Variants in LRPPRC observed in about 807,000 individuals in gnomAD.
LRPPRC encodes the protein leucine rich pentatricopeptide repeat containing, also known as leucine-rich PPR motif-containing protein, mitochondrial.
Under a neutral mutation model 180.3 loss-of-function variants are expected in LRPPRC, and 120 were observed. That is an observed-to-expected ratio of 0.67 (90% CI 0.57 to 0.77). LRPPRC has a LOEUF of 0.77. Among genes scored for constraint, LRPPRC ranks in the 30% least tolerant of loss-of-function variants. The probability of loss-of-function intolerance (pLI) is 0.00; values close to 1 mark genes in which losing one functional copy is unlikely to be tolerated. For missense variants in LRPPRC, 2,012 were observed against 1,657.2 expected (o/e 1.21, Z -3.72); for synonymous variants, 723 against 600.0 (o/e 1.21, Z -3.00).
intron 11 of LRPPRC, among the ~76,000 whole-genome samples, chr2:43,972,699 A>T (rs1246899760): frequency 6.6e-6 from 1 of 152,210 alleles, no homozygotes; most frequent in East Asian, 1.9e-4. Context: ...TACTTGTTTC[A>T]CTATTTCCTT....
At position 43,991,687 on chromosome 2, in the gene LRPPRC, T is replaced by C. The variant is rs191269188; in HGVS notation, c.149+4112A>G. Among the ~76,000 whole-genome samples the C allele has an allele frequency of 3.2e-3, 482 of 152,206 alleles. 1 individual carries two copies. The highest frequency in any genetic ancestry group is 2.3e-3 in the Non-Finnish European group (155 of 68,014). On this transcript the variant is annotated intron_variant, in intron 1 of 37. Transcript: ENST00000260665. ...TTCCAGAAAGCATCTATTTGAAAAA[T>C]AGATGTACTGAGATGGGAAAATGAA... is the stretch of plus-strand genomic sequence containing the variant.
At chr2:43,902,726 A>AT (rs1408199674) in intron 31 of LRPPRC, 1 of 152,194 alleles carries the variant, frequency 6.6e-6, no homozygotes, top group Non-Finnish European at 1.5e-5. Flanking sequence ...AATATTTATA[A>AT]TAAGCTTGAT....
rs1384253845 is a variant in LRPPRC at position 43,899,582 on chromosome 2, T to G, written c.3593A>C (p.Glu1198Ala). The change falls in exon 33 of 38, where the codon GAA becomes GCA. Residue 1198 changes from glutamate (E) to alanine (A), a missense_variant. Glu to Ala is a moderately radical substitution (Grantham distance 107). Coordinates refer to ENST00000260665, the MANE Select transcript of LRPPRC (RefSeq NM_133259.4). ...TGAAGTAAGCATATTTTCAATGTTT[T>G]CTATTGCGGCATCTATGTTATTACT... The part of the protein sequence containing the change: ...IKNNNIDAAI[E>A]NIENMLTSEN... The G allele has an allele frequency of 3.1e-6, 5 of 1,611,018 alleles. No individual in the cohort carries two copies. The highest frequency in any genetic ancestry group is 4.2e-6 in the Non-Finnish European group (5 of 1,177,380).
intron 30 of LRPPRC, among the ~76,000 whole-genome samples, chr2:43,911,885 G>C (rs1304487786): frequency 6.6e-6 from 1 of 152,016 alleles, no homozygotes; most frequent in African/African-American, 2.4e-5. Context: ...CAAATAAGAT[G>C]TGTTCAGTAC....
In LRPPRC at chr2:43,917,990, C is replaced by T. The variant is rs574336721; in HGVS notation, c.3148+35G>A. On this transcript the variant is annotated intron_variant, in intron 29 of 37. Coordinates refer to ENST00000260665, the MANE Select transcript of LRPPRC (RefSeq NM_133259.4). ...CACTGCTATTAGAAAGAAGACCACC[C>T]CCCCACACACACCCCCATCCCCGTA... is the stretch of plus-strand genomic sequence containing the variant. 1.5e-5 allele frequency: 21 copies of T among 1,370,220 alleles called. No individual in the cohort carries two copies. In the East Asian group the frequency reaches 4.0e-4, roughly 26 times the overall value. The allele number at this position is 1,370,220 out of a possible 1,614,324, so 84.9% of individuals were successfully genotyped here.
chr2:43,894,703 C>G (rs1670618756), intron 35 of LRPPRC, 74 bp from the exon 36 acceptor site: 1 of 785,806 alleles, frequency 1.3e-6, no homozygotes, highest in Non-Finnish European at 2.3e-6. Flanking sequence ...CAAATCAACA[C>G]TATATTAAAA....
intron 14 of LRPPRC, among the ~76,000 whole-genome samples, chr2:43,951,770 A>G (rs1558998723): frequency 6.6e-6 from 1 of 152,230 alleles, no homozygotes; most frequent in Admixed American, 6.5e-5. Flanking sequence ...AACACATACC[A>G]TGTCCAGTCT....
chr2:43,981,080 C>G (rs1432004506), intron 2 of LRPPRC, among the ~76,000 whole-genome samples: 3 of 152,120 alleles, frequency 2.0e-5, no homozygotes, highest in African/African-American at 4.8e-5. Context: ...TCCTCTTAAA[C>G]TGCATGCAAA....
chr2:43,936,948 C>G (rs112648348), intron 23 of LRPPRC, among the ~76,000 whole-genome samples: 3 of 152,144 alleles, frequency 2.0e-5, no homozygotes, highest in Non-Finnish European at 4.4e-5. Flanking sequence ...CTTTCTATAA[C>G]TCTGCTTAAC....
chr2:43,907,313 T>C lies in LRPPRC; in HGVS notation c.3276-1533A>G, dbSNP rs7560923. Among the ~76,000 whole-genome samples the C allele has an allele frequency of 9.2e-3, 1,398 of 152,326 alleles. 20 individuals carry two copies. Among genetic ancestry groups the C allele is most frequent in the African/African-American group, 0.032 (1,319 of 41,574 alleles). Reference sequence around the variant, plus strand: ...TAATATATCCTACATATGTAGAAACTGACCAATTACAACCAAAACAGATTC... The same window carrying C: ...TAATATATCCTACATATGTAGAAACCGACCAATTACAACCAAAACAGATTC... On this transcript the variant is annotated intron_variant, in intron 30 of 37. Coordinates refer to ENST00000260665, the MANE Select transcript of LRPPRC (RefSeq NM_133259.4).
chr2:43,976,651 C>T lies in LRPPRC; in HGVS notation c.650+343G>A, dbSNP rs551778400. ...GTGCAACTGATTTTCTACACTACTT[C>T]CAGTTTTATAAATGAATACAGCTTA... On this transcript the variant is annotated intron_variant, in intron 5 of 37. Transcript: ENST00000260665. Among the ~76,000 whole-genome samples, 84 of 151,174 alleles carry T rather than the reference C, an allele frequency of 5.6e-4. 1 individual carries two copies. Among genetic ancestry groups the T allele is most frequent in the Non-Finnish European group, 9.3e-4 (63 of 67,838 alleles).
chr2:43,964,786 T>C (rs1673486071), intron 11 of LRPPRC, among the ~76,000 whole-genome samples: 1 of 152,176 alleles, frequency 6.6e-6, no homozygotes, highest in Non-Finnish European at 1.5e-5. Context: ...AATTACCTAA[T>C]ACTGGCCTAA....
At chr2:43,977,468 C>G (rs949973528) in intron 3 of LRPPRC, among the ~76,000 whole-genome samples, 192 bp from the exon 4 acceptor site, 2 of 152,158 alleles carry the variant, frequency 1.3e-5, no homozygotes, top group Non-Finnish European at 2.9e-5. Context: ...ACAGTAATTA[C>G]TGAGTTACTG....
chr2:43,929,285 T>C (rs796989693), intron 25 of LRPPRC, among the ~76,000 whole-genome samples: 10 of 152,292 alleles, frequency 6.6e-5, no homozygotes, highest in African/African-American at 2.4e-4. Flanking sequence ...ATAATTACAG[T>C]AATACAATAA....
At chr2:43,947,118 C>A in intron 20 of LRPPRC, 139 bp downstream of exon 20, 2 of 565,618 alleles carry the variant, frequency 3.5e-6, no homozygotes, top group Non-Finnish European at 3.1e-6. Flanking sequence ...AATTAGTTAA[C>A]CTTTCATTTA....
rs113463749 is a variant in LRPPRC at position 43,932,355 on chromosome 2, T to C, written c.2736+1835A>G. 4.3e-3 allele frequency among the ~76,000 whole-genome samples: 653 copies of C among 152,264 alleles called. 6 individuals carry two copies. Among genetic ancestry groups the C allele is most frequent in the African/African-American group, 0.014 (594 of 41,558 alleles). ...CACAGCAGCTCTGTAAATTCAACCA[T>C]AGTGAATCTACCCAATGATAAGACA... is the stretch of plus-strand genomic sequence containing the variant. On this transcript the variant is annotated intron_variant, in intron 25 of 37. Transcript: ENST00000260665.
Position 43,891,520 on chromosome 2 carries a change from A to T in LRPPRC, c.3986-1644T>A, listed in dbSNP as rs937105142. ...CATTATTGTTATATCTGTTACGGTG[A>T]TCTGTGACCAGTGATCTTTGATGTT... is the stretch of plus-strand genomic sequence containing the variant. On this transcript the variant is annotated intron_variant, in intron 36 of 37. Transcript: ENST00000260665. 3.9e-5 allele frequency among the ~76,000 whole-genome samples: 6 copies of T among 152,160 alleles called. No individual in the cohort carries two copies. The South Asian group carries it at 1.0e-3, about 26-fold the overall frequency.
intron 36 of LRPPRC, among the ~76,000 whole-genome samples, chr2:43,893,275 G>A (rs1480718654): frequency 6.6e-6 from 1 of 152,204 alleles, no homozygotes; most frequent in African/African-American, 2.4e-5. Context: ...AGTTAATAAA[G>A]CAGTGGTATG....
chr2:43,889,629 C>G (rs1182582877), intron 37 of LRPPRC, 105 bp downstream of exon 37: 3 of 984,794 alleles, frequency 3.0e-6, no homozygotes. Flanking sequence ...TCACAGAGAT[C>G]TAATCCTCAT....
Sources: gnomAD v4.1 joint callset for allele counts (sites outside exome capture counted in the v4.1 genomes callset) on GRCh38, gnomAD v4.1.1 for gene constraint, MANE v1.5 for transcripts, NCBI Gene and HGNC (gene_info 2026-07-23, HGNC 2026-07-21) for gene names.